The following PTPN4 variants were observed in gnomAD, a reference collection of about 807,000 sequenced individuals.
The protein encoded by PTPN4 is tyrosine-protein phosphatase non-receptor type 4.
In PTPN4, 49 loss-of-function variants were observed where a neutral mutation model predicts 135.5. The ratio of observed to expected loss-of-function variants is 0.36; its 90% CI spans 0.29 to 0.46. PTPN4 has a LOEUF of 0.46. Ranked by LOEUF, PTPN4 falls within the 20% of genes least tolerant of loss-of-function variation. The pLI, the probability that PTPN4 is intolerant of heterozygous loss-of-function variation, is 1.00. For missense variants in PTPN4, 860 were observed against 1,101.0 expected (o/e 0.78, Z 3.10); for synonymous variants, 333 against 369.9 (o/e 0.90, Z 1.14).
At chr2:119,838,561 T>C (rs972040831) in intron 2 of PTPN4, among the ~76,000 whole-genome samples, 53 of 152,362 alleles carry the variant, frequency 3.5e-4, no homozygotes, top group African/African-American at 1.2e-3. Flanking sequence ...AAGCTCCTTT[T>C]GCCTGGCAGT....
intron 1 of PTPN4, among the ~76,000 whole-genome samples, chr2:119,778,816 A>G (rs937325826): frequency 6.6e-6 from 1 of 152,210 alleles, no homozygotes; most frequent in Admixed American, 6.5e-5. Context: ...TACAAAGGAC[A>G]TTTTGAAAAT....
chr2:119,852,296 G>T (rs892015019), intron 2 of PTPN4, among the ~76,000 whole-genome samples: 1 of 152,158 alleles, frequency 6.6e-6, no homozygotes, highest in South Asian at 2.1e-4. Flanking sequence ...TAGGTTGTGC[G>T]GTCTGACCCC....
chr2:119,927,178 A>G (rs1206620366), intron 13 of PTPN4, among the ~76,000 whole-genome samples: 4 of 147,602 alleles, frequency 2.7e-5, no homozygotes, highest in Admixed American at 6.8e-5. Flanking sequence ...CAGTGGTGCA[A>G]TTTCAGCTCA....
At chr2:119,833,150 T>C (rs1279500688) in intron 2 of PTPN4, among the ~76,000 whole-genome samples, 4 of 152,174 alleles carry the variant, frequency 2.6e-5, no homozygotes, top group African/African-American at 9.7e-5. Flanking sequence ...CAGAAGTTTG[T>C]TGTTAATCTT....
intron 15 of PTPN4, among the ~76,000 whole-genome samples, chr2:119,937,544 A>T (rs183474646): frequency 6.6e-6 from 1 of 152,352 alleles, no homozygotes. Context: ...GCGGCAACAG[A>T]GAGCTGCATT....
intron 1 of PTPN4, among the ~76,000 whole-genome samples, chr2:119,805,617 T>C (rs1691453776): frequency 6.6e-6 from 1 of 152,196 alleles, no homozygotes; most frequent in Non-Finnish European, 1.5e-5. Flanking sequence ...TTCTGAGGCC[T>C]CTGTTCTGTT....
chr2:119,834,461 T>C (rs1036925641), intron 2 of PTPN4, among the ~76,000 whole-genome samples: 3 of 152,022 alleles, frequency 2.0e-5, no homozygotes, highest in Non-Finnish European at 4.4e-5. Context: ...ATCCAGCATG[T>C]TTTAAGTATT....
At chr2:119,835,937 C>T (rs1164930868) in intron 2 of PTPN4, among the ~76,000 whole-genome samples, 3 of 151,744 alleles carry the variant, frequency 2.0e-5, no homozygotes, top group Admixed American at 6.6e-5. Context: ...GGCGTGGTGG[C>T]GGGTACCTGT....
chr2:119,804,935 C>G (rs1691439976), intron 1 of PTPN4, among the ~76,000 whole-genome samples: 1 of 152,150 alleles, frequency 6.6e-6, no homozygotes, highest in Non-Finnish European at 1.5e-5. Flanking sequence ...TCCTCTCCAG[C>G]ATCTGTTGTT....
intron 5 of PTPN4, among the ~76,000 whole-genome samples, chr2:119,880,901 G>C (rs1319753519): frequency 6.6e-6 from 1 of 152,036 alleles, no homozygotes; most frequent in Non-Finnish European, 1.5e-5. Context: ...TTGTCATGGA[G>C]CTCTTCAGTG....
intron 2 of PTPN4, among the ~76,000 whole-genome samples, chr2:119,832,789 A>G (rs1442912116): frequency 1.3e-5 from 2 of 151,896 alleles, no homozygotes; most frequent in Non-Finnish European, 2.9e-5. Flanking sequence ...ATTTTATTTG[A>G]GGTTTTTGCA....
At chr2:119,943,676 C>G (rs1679094008) in intron 15 of PTPN4, among the ~76,000 whole-genome samples, 1 of 144,314 alleles carries the variant, frequency 6.9e-6, no homozygotes. Context: ...AGCTCCGCCT[C>G]CCAGGTTCAC....
At chr2:119,806,947 T>C (rs960075780) in intron 1 of PTPN4, among the ~76,000 whole-genome samples, 1 of 152,122 alleles carries the variant, frequency 6.6e-6, no homozygotes, top group Admixed American at 6.5e-5. Context: ...CACAACTACA[T>C]GGAAACTGAA....
chr2:119,941,280 G>C (rs1027329024), intron 15 of PTPN4, among the ~76,000 whole-genome samples: 1 of 152,098 alleles, frequency 6.6e-6, no homozygotes, highest in African/African-American at 2.4e-5. Context: ...GAAGAAGAAA[G>C]TTATTCATTA....
At chr2:119,974,728 T>C (rs1032714509) in intron 26 of PTPN4, among the ~76,000 whole-genome samples, 7 of 152,230 alleles carry the variant, frequency 4.6e-5, no homozygotes, top group Admixed American at 4.6e-4. Flanking sequence ...GAAACTATTT[T>C]AGGCACCAAC....
intron 26 of PTPN4, among the ~76,000 whole-genome samples, chr2:119,973,061 A>C (rs1355834979): frequency 6.6e-6 from 1 of 152,130 alleles, no homozygotes; most frequent in Non-Finnish European, 1.5e-5. Context: ...AACCATTTTT[A>C]AGTATACAGT....
intron 2 of PTPN4, among the ~76,000 whole-genome samples, chr2:119,824,436 C>T (rs1486436443): frequency 1.3e-5 from 2 of 152,206 alleles, no homozygotes; most frequent in Non-Finnish European, 2.9e-5. Flanking sequence ...CCACCTCAGG[C>T]TCCCAGGTAG....
chr2:119,780,312 A>G (rs1690913337), intron 1 of PTPN4, among the ~76,000 whole-genome samples: 1 of 152,182 alleles, frequency 6.6e-6, no homozygotes, highest in Non-Finnish European at 1.5e-5. Context: ...ACATTCTTCT[A>G]TGTAGCATGA....
intron 5 of PTPN4, among the ~76,000 whole-genome samples, chr2:119,879,599 G>A (rs975387945): frequency 6.6e-6 from 1 of 152,290 alleles, no homozygotes; most frequent in East Asian, 1.9e-4. Flanking sequence ...TCTTAGATGG[G>A]ACCTGAGCAT....
Sources: gnomAD v4.1 joint callset for allele counts (sites outside exome capture counted in the v4.1 genomes callset) on GRCh38, gnomAD v4.1.1 for gene constraint, MANE v1.5 for transcripts, NCBI Gene and HGNC (gene_info 2026-07-23, HGNC 2026-07-21) for gene names.